Variants in GCKR observed in about 807,000 individuals in gnomAD.
GCKR encodes the protein glucokinase regulator.
GCKR carries 73 observed loss-of-function variants against 82.9 expected under a neutral mutation model. That is an observed-to-expected ratio of 0.88 (90% CI 0.73 to 1.07). The LOEUF (loss-of-function observed/expected upper bound fraction) is 1.07. Ranked by LOEUF, GCKR falls within the 50% of genes least tolerant of loss-of-function variation. The pLI, the probability that GCKR is intolerant of heterozygous loss-of-function variation, is 0.00. For synonymous variants in GCKR, 294 were observed against 291.8 expected (o/e 1.01, Z -0.08); for missense variants, 784 against 782.1 (o/e 1.00, Z -0.03).
chr2:27,501,635 T>A (rs1669580996), intron 8 of GCKR: 1 of 441,094 alleles, frequency 2.3e-6, no homozygotes, highest in Admixed American at 2.7e-5. Context: ...GATGGCCTCC[T>A]ACTCCTCTTT....
chr2:27,523,382 G>T lies in GCKR; in HGVS notation c.1821G>T (p.Gly607=). 6.2e-7 allele frequency: 1 copy of T among 1,612,070 alleles called. No homozygotes were observed. The change falls in exon 19 of 19, where the codon GGG becomes GGT. Residue 607 remains glycine (G), a synonymous_variant. Transcript: ENST00000264717. ...VCEAVRSALA[G]PGQKRTADPL... is the part of the protein sequence containing the mutation. Reference sequence around the variant, plus strand: ...AGGCTGTCAGGAGTGCTCTTGCTGGGCCAGGTCAGAAGCGCACTGCGGACC... The same window carrying T: ...AGGCTGTCAGGAGTGCTCTTGCTGGTCCAGGTCAGAAGCGCACTGCGGACC...
intron 16 of GCKR, among the ~76,000 whole-genome samples, chr2:27,515,047 A>ATG (rs1669971168): frequency 6.6e-6 from 1 of 151,176 alleles, no homozygotes; most frequent in Admixed American, 6.6e-5. Flanking sequence ...ATGTGATCTC[A>ATG]GCTCACTGCA....
intron 17 of GCKR, among the ~76,000 whole-genome samples, chr2:27,521,745 G>T (rs1670159856): frequency 6.6e-6 from 1 of 151,560 alleles, no homozygotes; most frequent in South Asian, 2.1e-4. Context: ...TAGAGACAGG[G>T]TCTCACGCTG....
intron 16 of GCKR, among the ~76,000 whole-genome samples, chr2:27,516,869 G>A (rs534739849): frequency 1.3e-4 from 19 of 151,976 alleles, no homozygotes; most frequent in Non-Finnish European, 2.6e-4. Context: ...ATTTAGTGTC[G>A]TGGACATTCA....
chr2:27,518,752 T>C, intron 16 of GCKR, 36 bp from the exon 17 acceptor site: 1 of 1,590,484 alleles, frequency 6.3e-7, no homozygotes, highest in South Asian at 1.1e-5. Flanking sequence ...TTCTGTCCTC[T>C]AATTTTTGAC....
At chr2:27,504,461 G>A (rs1182867775) in intron 9 of GCKR, among the ~76,000 whole-genome samples, 1 of 151,478 alleles carries the variant, frequency 6.6e-6, no homozygotes, top group Admixed American at 6.6e-5. Flanking sequence ...TAGTTCAAGC[G>A]ATTTTCCTGC....
chr2:27,507,839 C>T lies in GCKR; in HGVS notation c.1240+62C>T, dbSNP rs542248113. On this transcript the variant is annotated intron_variant, in intron 14 of 18. Coordinates refer to ENST00000264717, the MANE Select transcript of GCKR (RefSeq NM_001486.4). Reference sequence around the variant, plus strand: ...GGGGAAATAGAATGGTTCAGAGGAGCTGTTGTTTTTCTGGGTCTTAGGGTA... The same window carrying T: ...GGGGAAATAGAATGGTTCAGAGGAGTTGTTGTTTTTCTGGGTCTTAGGGTA... 3.9e-5 allele frequency: 47 copies of T among 1,197,146 alleles called. No individual in the cohort carries two copies. In the South Asian group the frequency reaches 5.5e-4, roughly 14 times the overall value. 74.2% of individuals were successfully genotyped at this position (1,197,146 alleles called of 1,614,324 possible).
chr2:27,506,778 C>T lies in GCKR; in HGVS notation c.969-10C>T, dbSNP rs763495135. Reference sequence around the variant, plus strand: ...GATCTCTCATGTCCTGACCTCTGACCCATTCTCAGTCTGGAGAAGAAAGGC... The same window carrying T: ...GATCTCTCATGTCCTGACCTCTGACTCATTCTCAGTCTGGAGAAGAAAGGC... On this transcript the variant is annotated splice_polypyrimidine_tract_variant and intron_variant, in intron 11 of 18. Transcript: ENST00000264717. 24 of 1,569,356 alleles carry T rather than the reference C, an allele frequency of 1.5e-5. No individual in the cohort carries two copies. Among genetic ancestry groups the T allele is most frequent in the Non-Finnish European group, 2.0e-5 (23 of 1,139,150 alleles).
intron 10 of GCKR, 124 bp from the exon 11 acceptor site, chr2:27,506,357 T>A (rs530268400): frequency 1.1e-5 from 8 of 751,002 alleles, no homozygotes; most frequent in African/African-American, 1.0e-4. Flanking sequence ...TCTCTGCACC[T>A]CTCCAGGGAC....
At chr2:27,508,560 G>A (rs947773448) in intron 16 of GCKR, among the ~76,000 whole-genome samples, 6 of 152,132 alleles carry the variant, frequency 3.9e-5, no homozygotes, top group East Asian at 1.9e-4. Flanking sequence ...TCACTCTGTC[G>A]CCCAGGCTGG....
At chr2:27,512,235 CA>C (rs60079696) in intron 16 of GCKR, among the ~76,000 whole-genome samples, 44 of 46,210 alleles carry the variant, frequency 9.5e-4, no homozygotes, top group South Asian at 1.3e-3. Flanking sequence ...GACTCCATCT[CA>C]AAAAAAAAAA....
At position 27,498,989 on chromosome 2, in the gene GCKR, C is replaced by T. The variant is rs564926357; in HGVS notation, c.429-153C>T. On this transcript the variant is annotated intron_variant, in intron 5 of 18. Transcript: ENST00000264717. ...TGTTGTAGGTATTTGAGTTTTTCAACTCTATGGAGTGTCTATCATGCACCA... is the reference window on the plus strand; with the variant it reads ...TGTTGTAGGTATTTGAGTTTTTCAATTCTATGGAGTGTCTATCATGCACCA... Among the ~76,000 whole-genome samples the T allele has an allele frequency of 2.6e-5, 4 of 152,256 alleles. No individual in the cohort carries two copies. The South Asian group carries it at 8.3e-4, about 32-fold the overall frequency.
At position 27,523,289 on chromosome 2, in the gene GCKR, G is replaced by A; in HGVS notation, c.1728G>A (p.Leu576=). 2 of 1,613,054 alleles carry A rather than the reference G, an allele frequency of 1.2e-6. No individual in the cohort carries two copies. Among genetic ancestry groups the A allele is most frequent in the Non-Finnish European group, 8.5e-7 (1 of 1,179,898 alleles). ...EKEQVIPIAL[L]SLLFRCSITE... ...CACAGGTGATACCCATCGCCTTGCT[G>A]AGCCTCCTATTCCGGTGCTCGATCA... is the stretch of plus-strand genomic sequence containing the variant. Residue 576 remains leucine (L), a synonymous_variant, in exon 19 of 19, where the codon CTG becomes CTA. Transcript: ENST00000264717.
At chr2:27,513,527 CAAA>C (rs35348937) in intron 16 of GCKR, among the ~76,000 whole-genome samples, 3 of 133,442 alleles carry the variant, frequency 2.2e-5, no homozygotes, top group Admixed American at 7.6e-5. Flanking sequence ...GACTCCGTCA[CAAA>C]AAAAAAAAAA....
intron 17 of GCKR, among the ~76,000 whole-genome samples, chr2:27,519,460 C>A (rs1281923628): frequency 1.3e-5 from 2 of 152,062 alleles, no homozygotes; most frequent in Non-Finnish European, 2.9e-5. Flanking sequence ...CCCCACCATG[C>A]CCAGCTAATT....
At chr2:27,513,909 TTGTGTGTGTGTGTGTG>T (rs57848910) in intron 16 of GCKR, among the ~76,000 whole-genome samples, 1 of 144,768 alleles carries the variant, frequency 6.9e-6, no homozygotes, top group Admixed American at 7.1e-5. Flanking sequence ...TTATTTGCAT[TTGTGTGTGTGTGTGTG>T]TGTGTGTGTG....
chr2:27,520,541 A>G (rs1426656963), intron 17 of GCKR, among the ~76,000 whole-genome samples: 3 of 152,246 alleles, frequency 2.0e-5, no homozygotes, highest in Non-Finnish European at 4.4e-5. Context: ...TGCCAAATGC[A>G]GCTAGACCTG....
chr2:27,511,687 A>G (rs1347184049), intron 16 of GCKR, among the ~76,000 whole-genome samples: 1 of 152,086 alleles, frequency 6.6e-6, no homozygotes, highest in Admixed American at 6.5e-5. Flanking sequence ...TGTCTCAAAA[A>G]AAAATAATAA....
At position 27,503,590 on chromosome 2, in the gene GCKR, A is replaced by T. The variant is rs1469198560; in HGVS notation, c.721A>T (p.Lys241Ter). The change falls in exon 9 of 19, where the codon AAA (lysine) becomes TAA (stop). Residue 241 changes from lysine (K) to a stop codon, truncating the protein, a stop_gained. Coordinates refer to ENST00000264717, the MANE Select transcript of GCKR (RefSeq NM_001486.4). LOFTEE classifies it high-confidence loss of function. ...GATGCAGAAAATGCAGGAGAAACAG[A>T]AAGCTTTTGTGCTCAATCCTGCCAT... ...ERMQKMQEKQKAFVLNPAIGP... is the reference protein window; with the variant it reads ...ERMQKMQEKQ 1.9e-6 allele frequency: 3 copies of T among 1,608,044 alleles called. No homozygotes were observed.
Sources: allele counts gnomAD v4.1 joint callset (sites outside exome capture counted in the v4.1 genomes callset), GRCh38; gene constraint gnomAD v4.1.1; transcripts MANE v1.5; gene names NCBI Gene and HGNC (gene_info 2026-07-23, HGNC 2026-07-21).